The following BRI3BP variants were observed in gnomAD, a reference collection of about 807,000 sequenced individuals.
BRI3BP encodes BRI3 binding protein, also known as BRI3-binding protein.
BRI3BP carries 7 observed loss-of-function variants against 15.8 expected under a neutral mutation model. The observed-to-expected ratio is 0.44, with a 90% CI of 0.25 to 0.83. BRI3BP has a LOEUF of 0.83. Among genes scored for constraint, BRI3BP ranks in the 40% least tolerant of loss-of-function variants. BRI3BP has a pLI of 0.20. For missense variants in BRI3BP, 320 were observed against 339.3 expected (o/e 0.94, Z 0.45); for synonymous variants, 192 against 163.5 (o/e 1.17, Z -1.33).
At chr12:125,045,808 G>T in the BRI3BP span, among the ~76,000 whole-genome samples, 1 of 152,036 alleles carries the variant, frequency 6.6e-6, no homozygotes, top group Non-Finnish European at 1.5e-5. Flanking sequence ...TTTCTCAAAG[G>T]GTTTTAGTTC....
the BRI3BP span, among the ~76,000 whole-genome samples, chr12:125,049,136 T>C: frequency 1.3e-5 from 2 of 152,052 alleles, no homozygotes; most frequent in African/African-American, 4.8e-5. Flanking sequence ...TAATTTTTTG[T>C]ATTTTCAGTA....
chr12:124,999,405 A>G (rs768528152), intron 1 of BRI3BP, among the ~76,000 whole-genome samples: 51 of 150,590 alleles, frequency 3.4e-4, no homozygotes, highest in Admixed American at 1.7e-3. Flanking sequence ...ATTTTGCACT[A>G]TGCGCACTGT....
chr12:124,995,175 G>A (rs554188179), intron 1 of BRI3BP, among the ~76,000 whole-genome samples: 2 of 152,260 alleles, frequency 1.3e-5, no homozygotes, highest in African/African-American at 2.4e-5. Flanking sequence ...CTCTCCTGTG[G>A]GCAGGGGCAC....
chr12:125,013,428 G>A (rs1290189299), intron 2 of BRI3BP, among the ~76,000 whole-genome samples: 1 of 152,216 alleles, frequency 6.6e-6, no homozygotes, highest in Non-Finnish European at 1.5e-5. Context: ...GGAGGCCACT[G>A]CTGCCGCCAC....
chr12:125,003,356 A>G (rs1955113269), intron 1 of BRI3BP, among the ~76,000 whole-genome samples: 1 of 152,130 alleles, frequency 6.6e-6, no homozygotes. Context: ...CCTCCCATGG[A>G]GGCGATGGCT....
chr12:125,048,938 G>C, the BRI3BP span, among the ~76,000 whole-genome samples: 1 of 152,002 alleles, frequency 6.6e-6, no homozygotes, highest in African/African-American at 2.4e-5. Flanking sequence ...ATATGCAAGA[G>C]AGCCCAAATT....
intron 1 of BRI3BP, among the ~76,000 whole-genome samples, chr12:125,002,699 A>G (rs6488973): frequency 0.8 from 121,498 of 152,072 alleles, 49,513 homozygotes; most frequent in East Asian, 0.99. Context: ...CTCGTGATCC[A>G]CTCACCTTGG....
At chr12:125,034,785 T>A (rs1955431407), downstream of BRI3BP, among the ~76,000 whole-genome samples, 1 of 152,122 alleles carries the variant, frequency 6.6e-6, no homozygotes, top group Admixed American at 6.6e-5. Context: ...AGACGGGGTT[T>A]CACCATATTG....
intron 2 of BRI3BP, among the ~76,000 whole-genome samples, chr12:125,022,073 C>A (rs1221815432): frequency 8.1e-6 from 1 of 123,176 alleles, no homozygotes; most frequent in Non-Finnish European, 1.6e-5. Flanking sequence ...GAAAAAGACC[C>A]TGTCTTAAAA....
chr12:125,043,620 G>T, the BRI3BP span, among the ~76,000 whole-genome samples: 1 of 151,944 alleles, frequency 6.6e-6, no homozygotes, highest in South Asian at 2.1e-4. Context: ...ACTTTGGGAG[G>T]CCGAGGTGGG....
intron 1 of BRI3BP, among the ~76,000 whole-genome samples, chr12:124,999,145 G>A (rs1594525969): frequency 6.6e-6 from 1 of 152,274 alleles, no homozygotes; most frequent in Non-Finnish European, 1.5e-5. Context: ...ATTCCTCTCA[G>A]GCAGAATATA....
intron 2 of BRI3BP, among the ~76,000 whole-genome samples, chr12:125,018,011 C>T (rs996262215): frequency 3.3e-5 from 5 of 152,048 alleles, no homozygotes; most frequent in Non-Finnish European, 7.4e-5. Context: ...GGTGGGATGG[C>T]GCCCAGCCCA....
At chr12:125,016,604 C>T (rs1955246498) in intron 2 of BRI3BP, among the ~76,000 whole-genome samples, 1 of 151,968 alleles carries the variant, frequency 6.6e-6, no homozygotes, top group Non-Finnish European at 1.5e-5. Context: ...CGGCTCACTG[C>T]AACCTCTGCC....
At chr12:125,003,977 ACACACACACACACACACACACACAC>A (rs1955119844) in intron 1 of BRI3BP, among the ~76,000 whole-genome samples, 2 of 150,960 alleles carry the variant, frequency 1.3e-5, no homozygotes, top group Non-Finnish European at 3.0e-5. Flanking sequence ...ACACACACAC[ACACACACACACACACACACACACAC>A]AACACACAAT....
At chr12:125,022,537 A>ATTTTTTTTTTTTTTTTTTTT (rs1391143992) in intron 2 of BRI3BP, among the ~76,000 whole-genome samples, 4 of 70,610 alleles carry the variant, frequency 5.7e-5, no homozygotes, top group African/African-American at 3.1e-4. Context: ...TTATTTATTT[A>ATTTTTTTTTTTTTTTTTTTT]TTTATTTTTT....
At position 125,001,586 on chromosome 12, in the gene BRI3BP, G is replaced by A. The variant is rs193070059; in HGVS notation, c.213+7583G>A. Among the ~76,000 whole-genome samples, 41 of 151,504 alleles carry A rather than the reference G, an allele frequency of 2.7e-4. No individual in the cohort carries two copies. The East Asian group carries it at 7.0e-3, about 26-fold the overall frequency. On this transcript the variant is annotated intron_variant, in intron 1 of 2. Coordinates refer to ENST00000341446, the MANE Select transcript of BRI3BP (RefSeq NM_080626.6). Reference sequence around the variant, plus strand: ...TCCTCGAAATCCCTGTGTTGCCCAGGCTGGTCTCTTGACTCCTGGGCTCAT... The same window carrying A: ...TCCTCGAAATCCCTGTGTTGCCCAGACTGGTCTCTTGACTCCTGGGCTCAT...
rs552937858 is a variant in BRI3BP at position 125,017,194 on chromosome 12, A to AT, written c.316+4567dup. ...GCCACCATGCCTGGCTAATTTTTGT[A>AT]TTTTTTTTTAGTAGAGATGGGGTTT... On this transcript the variant is annotated intron_variant, in intron 2 of 2. Transcript: ENST00000341446. 8.4e-3 allele frequency among the ~76,000 whole-genome samples: 1,223 copies of AT among 145,738 alleles called. 19 individuals carry two copies. Among genetic ancestry groups the AT allele is most frequent in the African/African-American group, 0.029 (1,134 of 39,624 alleles).
chr12:125,028,196 A>G lies in BRI3BP; in HGVS notation c.*2766A>G, dbSNP rs964095059. ...CTTTGCTTATGTTGGCCAGGGGAAA[A>G]CATGGCATTCTGTGCGCAAAGCTAA... On this transcript the variant is annotated 3_prime_UTR_variant, in exon 3 of 3. Transcript: ENST00000341446. 3 of 152,242 alleles carry G rather than the reference A, an allele frequency of 2.0e-5. No homozygotes were observed. Among genetic ancestry groups the G allele is most frequent in the African/African-American group, 7.2e-5 (3 of 41,468 alleles). The allele number at this position is 152,242 out of a possible 1,614,324, so 9.4% of individuals were successfully genotyped here. A position where few individuals can be genotyped will look rare whatever the true frequency, so the allele number is the denominator to read the frequency against.
intron 2 of BRI3BP, among the ~76,000 whole-genome samples, chr12:125,015,660 G>A (rs1955236316): frequency 2.0e-5 from 3 of 152,124 alleles, no homozygotes; most frequent in Admixed American, 2.0e-4. Context: ...GGCCATGATG[G>A]GCACACTGGT....
Sources: gnomAD v4.1 joint callset for allele counts (sites outside exome capture counted in the v4.1 genomes callset) on GRCh38, gnomAD v4.1.1 for gene constraint, MANE v1.5 for transcripts, NCBI Gene and HGNC (gene_info 2026-07-23, HGNC 2026-07-21) for gene names.